RBL1: variants seen among roughly 807,000 people sequenced by gnomAD.
RBL1 encodes the protein RB transcriptional corepressor like 1.
Under a neutral mutation model 123.0 loss-of-function variants are expected in RBL1, and 82 were observed. That is an observed-to-expected ratio of 0.67 (90% CI 0.56 to 0.80). RBL1 has a LOEUF of 0.80. Ranked by LOEUF, RBL1 falls within the 30% of genes least tolerant of loss-of-function variation. The pLI is 0.00. For missense variants in RBL1, 1,171 were observed against 1,299.6 expected, an observed-to-expected ratio of 0.90 and a Z score of 1.52; for synonymous variants, 405 against 441.3, an observed-to-expected ratio of 0.92 and a Z score of 1.03.
In RBL1 at chr20:37,066,885, C is replaced by T; in HGVS notation, c.686-1G>A. On this transcript the variant is annotated splice_acceptor_variant, in intron 5 of 21. Transcript: ENST00000373664. LOFTEE classifies it high-confidence loss of function. Reference sequence around the variant, plus strand: ...GCAGTATGAAAATCAGATGGTAAACCTAGTTTGACAGTGTAGGAAGGGCAG... The same window carrying T: ...GCAGTATGAAAATCAGATGGTAAACTTAGTTTGACAGTGTAGGAAGGGCAG... 1 of 1,612,822 alleles carries T rather than the reference C, an allele frequency of 6.2e-7. No individual in the cohort carries two copies.
At chr20:37,002,366 T>A (rs1475874681) in intron 21 of RBL1, among the ~76,000 whole-genome samples, 1 of 107,374 alleles carries the variant, frequency 9.3e-6, no homozygotes, top group African/African-American at 3.6e-5. Flanking sequence ...TTTTTGAGAC[T>A]AAGTCTTGCT....
intron 21 of RBL1, among the ~76,000 whole-genome samples, 162 bp from the exon 22 acceptor site, chr20:36,999,091 T>G (rs1412788970): frequency 6.6e-6 from 1 of 152,216 alleles, no homozygotes; most frequent in Non-Finnish European, 1.5e-5. Context: ...AAGGGATGGC[T>G]TGAACTAATC....
At chr20:37,094,143 A>C (rs973476150) in intron 1 of RBL1, among the ~76,000 whole-genome samples, 2 of 152,290 alleles carry the variant, frequency 1.3e-5, no homozygotes, top group East Asian at 3.9e-4. Flanking sequence ...CATATTCAAG[A>C]ATCTGAAACA....
At chr20:37,035,547 C>T in intron 14 of RBL1, 39 bp from the exon 15 acceptor site, 1 of 1,443,164 alleles carries the variant, frequency 6.9e-7, no homozygotes, top group Non-Finnish European at 9.2e-7. Context: ...AAATGTATTC[C>T]AAAATAATAA....
chr20:37,020,640 G>T lies in RBL1; in HGVS notation c.2631+19C>A. The T allele has an allele frequency of 6.6e-7, 1 of 1,513,504 alleles. No individual in the cohort carries two copies. Among genetic ancestry groups the T allele is most frequent in the Non-Finnish European group, 9.0e-7 (1 of 1,112,406 alleles). 93.8% of individuals were successfully genotyped at this position (1,513,504 alleles called of 1,614,324 possible). ...GAGTAAATCTATTTTTGGACAGTAG[G>T]AAAAATAATGTAACTCACGTGACTA... On this transcript the variant is annotated intron_variant, in intron 18 of 21. Transcript: ENST00000373664.
At position 37,064,394 on chromosome 20, in the gene RBL1, C is replaced by T. The variant is rs568948000; in HGVS notation, c.896+1030G>A. On this transcript the variant is annotated intron_variant, in intron 7 of 21. Coordinates refer to ENST00000373664, the MANE Select transcript of RBL1 (RefSeq NM_002895.5). The stretch of plus-strand genomic sequence containing the variant: ...CTCGTGATCTGCCTGCCTTGGCCTC[C>T]GAAAGTGCTGGGATTATAGGCATAA... 5.9e-5 allele frequency among the ~76,000 whole-genome samples: 9 copies of T among 152,046 alleles called. No individual in the cohort carries two copies. The South Asian group carries it at 6.2e-4, about 11-fold the overall frequency.
At chr20:37,023,508 A>G (rs2064375305) in intron 16 of RBL1, among the ~76,000 whole-genome samples, 1 of 152,182 alleles carries the variant, frequency 6.6e-6, no homozygotes. Flanking sequence ...AACATGCCAA[A>G]TAATAAATGA....
chr20:37,036,249 G>A (rs373601923), intron 14 of RBL1, among the ~76,000 whole-genome samples: 1 of 152,164 alleles, frequency 6.6e-6, no homozygotes, highest in South Asian at 2.1e-4. Context: ...ATTCCTTACA[G>A]GTAGGTCAAT....
chr20:37,032,992 T>C (rs1488957390), intron 15 of RBL1, 116 bp from the exon 16 acceptor site: 1 of 1,390,084 alleles, frequency 7.2e-7, no homozygotes, highest in African/African-American at 1.5e-5. Flanking sequence ...GGCTACAAAA[T>C]AGTAATTCTA....
In RBL1 at chr20:36,998,219, T is replaced by C. The variant is rs893563985; in HGVS notation, c.*540A>G. Reference sequence around the variant, plus strand: ...GGAGCAAACATTAAAAAAAATTCCCTATTTATATATATATATATATTTTTT... The same window carrying C: ...GGAGCAAACATTAAAAAAAATTCCCCATTTATATATATATATATATTTTTT... On this transcript the variant is annotated 3_prime_UTR_variant, in exon 22 of 22. Coordinates refer to ENST00000373664, the MANE Select transcript of RBL1 (RefSeq NM_002895.5). The C allele has an allele frequency of 1.3e-5, 2 of 151,030 alleles. No individual in the cohort carries two copies. Among genetic ancestry groups the C allele is most frequent in the Non-Finnish European group, 2.9e-5 (2 of 67,964 alleles). The allele number at this position is 151,030 out of a possible 1,614,324, so 9.4% of individuals were successfully genotyped here.
chr20:37,059,570 T>C (rs2146291652), intron 9 of RBL1, among the ~76,000 whole-genome samples: 1 of 152,326 alleles, frequency 6.6e-6, no homozygotes, highest in Non-Finnish European at 1.5e-5. Flanking sequence ...CTCCCCCATT[T>C]GTTTCCCTCC....
chr20:37,001,160 C>G (rs1449916024), intron 21 of RBL1, among the ~76,000 whole-genome samples: 1 of 150,168 alleles, frequency 6.7e-6, no homozygotes, highest in Admixed American at 6.6e-5. Context: ...CCGCCCCGTC[C>G]GGGAGGTGAG....
chr20:37,066,940 A>G, intron 5 of RBL1, 53 bp downstream of exon 5: 1 of 1,595,726 alleles, frequency 6.3e-7, no homozygotes, highest in Non-Finnish European at 8.5e-7. Context: ...ACTTTTAAAA[A>G]TCTTTTTCCA....
At position 37,082,694 on chromosome 20, in the gene RBL1, G is replaced by T. The variant is rs1027034498; in HGVS notation, c.290+6295C>A. On this transcript the variant is annotated intron_variant, in intron 2 of 21. Coordinates refer to ENST00000373664, the MANE Select transcript of RBL1 (RefSeq NM_002895.5). ...TGACATAGTATTTACATTGTATTAG[G>T]TATAAATAATCTAGAGATGGGACCA... Among the ~76,000 whole-genome samples, 9 of 152,116 alleles carry T rather than the reference G, an allele frequency of 5.9e-5. No individual in the cohort carries two copies. In the South Asian group the frequency reaches 6.2e-4, roughly 10 times the overall value.
At chr20:37,029,472 ACC>A (rs1316793657) in intron 16 of RBL1, among the ~76,000 whole-genome samples, 2 of 152,164 alleles carry the variant, frequency 1.3e-5, no homozygotes, top group African/African-American at 4.8e-5. Flanking sequence ...TATATAAAAA[ACC>A]CACAGTTAAC....
At position 37,045,632 on chromosome 20, in the gene RBL1, T is replaced by C. The variant is rs559649470; in HGVS notation, c.1606-1382A>G. On this transcript the variant is annotated intron_variant, in intron 12 of 21. Coordinates refer to ENST00000373664, the MANE Select transcript of RBL1 (RefSeq NM_002895.5). Reference sequence around the variant, plus strand: ...AGCTGCTTGAATAAAATAAGGATGTTATAAATAAAAACCAATTACTATGAG... The same window carrying C: ...AGCTGCTTGAATAAAATAAGGATGTCATAAATAAAAACCAATTACTATGAG... Among the ~76,000 whole-genome samples, 4 of 152,190 alleles carry C rather than the reference T, an allele frequency of 2.6e-5. No homozygotes were observed. In the South Asian group the frequency reaches 6.2e-4, roughly 24 times the overall value.
At chr20:37,006,171 A>AT (rs949099864) in intron 20 of RBL1, among the ~76,000 whole-genome samples, 4 of 150,092 alleles carry the variant, frequency 2.7e-5, no homozygotes, top group African/African-American at 9.8e-5. Context: ...AAGTGCTGGG[A>AT]TTACAGGCAT....
intron 13 of RBL1, among the ~76,000 whole-genome samples, chr20:37,042,589 T>C (rs2064746640): frequency 6.6e-6 from 1 of 152,072 alleles, no homozygotes; most frequent in Non-Finnish European, 1.5e-5. Flanking sequence ...GCCTGAATGT[T>C]CATAGCAGCA....
chr20:37,050,088 A>AG (rs2146276125), intron 11 of RBL1, among the ~76,000 whole-genome samples: 1 of 151,818 alleles, frequency 6.6e-6, no homozygotes, highest in East Asian at 1.9e-4. Context: ...AGAGAGAGAG[A>AG]AAAAAAATGG....
Sources: gnomAD v4.1 joint callset for allele counts (sites outside exome capture counted in the v4.1 genomes callset) on GRCh38, gnomAD v4.1.1 for gene constraint, MANE v1.5 for transcripts, NCBI Gene and HGNC (gene_info 2026-07-23, HGNC 2026-07-21) for gene names.